DGCR2: variants seen among roughly 807,000 people sequenced by gnomAD.
DGCR2 encodes the protein integral membrane protein DGCR2/IDD.
In DGCR2, 24 loss-of-function variants were observed where a neutral mutation model predicts 51.6. The observed-to-expected ratio is 0.47, with a 90% CI of 0.34 to 0.65. DGCR2 has a LOEUF of 0.65. Ranked by LOEUF, DGCR2 falls within the 30% of genes least tolerant of loss-of-function variation. DGCR2 has a pLI of 0.01. For missense variants in DGCR2, 765 were observed against 772.1 expected (o/e 0.99, Z 0.11); for synonymous variants, 340 against 315.4 (o/e 1.08, Z -0.82).
At chr22:19,068,290 A>G in intron 2 of DGCR2, 65 bp from the exon 3 acceptor site, 1 of 1,493,186 alleles carries the variant, frequency 6.7e-7, no homozygotes, top group Non-Finnish European at 8.9e-7. Flanking sequence ...CCTGGCCAGC[A>G]TGGTTCAGAC....
intron 7 of DGCR2, among the ~76,000 whole-genome samples, chr22:19,043,809 C>A (rs74380747): frequency 0.016 from 2,498 of 152,306 alleles, 89 homozygotes; most frequent in East Asian, 0.062. Flanking sequence ...CATGCCCACA[C>A]AGATGGCAGC....
Position 19,064,867 on chromosome 22 carries a change from C to A in DGCR2, c.529G>T (p.Gly177Cys). 2 of 1,613,746 alleles carry A rather than the reference C, an allele frequency of 1.2e-6. No homozygotes were observed. The highest frequency in any genetic ancestry group is 8.5e-7 in the Non-Finnish European group (1 of 1,179,962). Residue 177 changes from glycine to cysteine, a missense_variant, in exon 4 of 10, where the codon GGT becomes TGT. Gly to Cys is a radical substitution (Grantham distance 159, BLOSUM62 -3). Coordinates refer to ENST00000263196, the MANE Select transcript of DGCR2 (RefSeq NM_005137.3). Reference protein sequence around the residue: ...QEWDQPERSFGWKDQRKLWVG... With the variant: ...QEWDQPERSFCWKDQRKLWVG... ...ACTCACTTGCGCTGGTCCTTCCAAC[C>A]AAAGCTCCGCTCGGGCTGGTCCCAT...
At chr22:19,086,534 T>C (rs1334554600) in intron 2 of DGCR2, among the ~76,000 whole-genome samples, 1 of 151,870 alleles carries the variant, frequency 6.6e-6, no homozygotes, top group Non-Finnish European at 1.5e-5. Flanking sequence ...CACAGCACTA[T>C]ACAAGGACAA....
intron 1 of DGCR2, among the ~76,000 whole-genome samples, chr22:19,094,367 G>A (rs1433658942): frequency 6.6e-6 from 1 of 152,246 alleles, no homozygotes; most frequent in Non-Finnish European, 1.5e-5. Context: ...AGAGGTTGCA[G>A]TGAGCCAAGA....
At chr22:19,094,693 A>C (rs2083119070) in intron 1 of DGCR2, among the ~76,000 whole-genome samples, 1 of 152,250 alleles carries the variant, frequency 6.6e-6, no homozygotes, top group African/African-American at 2.4e-5. Flanking sequence ...AGACTTGTTC[A>C]TAGTACTTTT....
In DGCR2 at chr22:19,041,292, G is replaced by A. The variant is rs751230844; in HGVS notation, c.1162C>T (p.His388Tyr). 4.3e-6 allele frequency: 7 copies of A among 1,613,526 alleles called. No individual in the cohort carries two copies. The Admixed American group carries it at 6.7e-5, about 15-fold the overall frequency. Residue 388 changes from histidine (H) to tyrosine (Y), a missense_variant and splice_region_variant, in exon 9 of 10, where the codon CAC becomes TAC. Transcript: ENST00000263196. ...RIESLIGANL[H>Y]HFNLGRRIPG... ...ATCCTGCGGCCGAGGTTGAAGTGGT[G>A]CACTGGGCCATCAAAAGTGTGCAAC... is the stretch of plus-strand genomic sequence containing the variant.
chr22:19,060,155 G>A (rs900737214), intron 5 of DGCR2, among the ~76,000 whole-genome samples: 1 of 152,170 alleles, frequency 6.6e-6, no homozygotes, highest in Non-Finnish European at 1.5e-5. Flanking sequence ...CAGAGGGCAG[G>A]GTCTCTACAA....
intron 5 of DGCR2, among the ~76,000 whole-genome samples, chr22:19,062,289 T>C (rs2082672256): frequency 6.6e-6 from 1 of 152,056 alleles, no homozygotes; most frequent in Non-Finnish European, 1.5e-5. Flanking sequence ...GTGGCCCCAG[T>C]CTGCTGGGCT....
At chr22:19,063,832 C>T (rs2082716477) in intron 4 of DGCR2, among the ~76,000 whole-genome samples, 1 of 152,180 alleles carries the variant, frequency 6.6e-6, no homozygotes, top group Non-Finnish European at 1.5e-5. Flanking sequence ...AGACATGAAA[C>T]CCCATGAATA....
At chr22:19,052,326 G>A (rs868359229) in intron 6 of DGCR2, among the ~76,000 whole-genome samples, 5 of 151,972 alleles carry the variant, frequency 3.3e-5, no homozygotes, top group African/African-American at 4.8e-5. Context: ...TGAGACATGC[G>A]AATCGCTTGA....
intron 9 of DGCR2, among the ~76,000 whole-genome samples, chr22:19,039,969 T>C (rs1036821161): frequency 6.6e-6 from 1 of 152,126 alleles, no homozygotes; most frequent in Non-Finnish European, 1.5e-5. Context: ...CGCCTCAGCC[T>C]CCCAGAGTGC....
chr22:19,115,586 T>C (rs536194425), intron 1 of DGCR2, among the ~76,000 whole-genome samples: 1 of 152,370 alleles, frequency 6.6e-6, no homozygotes, highest in East Asian at 1.9e-4. Context: ...GCTCTTTATG[T>C]CAAAATATAA....
chr22:19,062,649 ACAGGAAGGG>A (rs1178487223), intron 5 of DGCR2, among the ~76,000 whole-genome samples: 5 of 152,086 alleles, frequency 3.3e-5, no homozygotes, highest in Admixed American at 2.6e-4. Flanking sequence ...GGGCAATGGG[ACAGGAAGGG>A]CAAGCCAAGT....
At position 19,038,493 on chromosome 22, in the gene DGCR2, C is replaced by A; in HGVS notation, c.*372G>T. ...GACTGGGTCAGCAGGTCTCTCTGGA[C>A]AGCACACTGCACCAAGTAAGCCCAC... is the stretch of plus-strand genomic sequence containing the variant. On this transcript the variant is annotated 3_prime_UTR_variant, in exon 10 of 10. Transcript: ENST00000263196. 1 of 244,452 alleles carries A rather than the reference C, an allele frequency of 4.1e-6. No homozygotes were observed. The highest frequency in any genetic ancestry group is 8.0e-6 in the Non-Finnish European group (1 of 125,054). The allele number at this position is 244,452 out of a possible 1,614,324, so 15.1% of individuals were successfully genotyped here. A position where few individuals can be genotyped will look rare whatever the true frequency, so the allele number is the denominator to read the frequency against.
At chr22:19,040,121 C>T (rs1238376658) in intron 9 of DGCR2, among the ~76,000 whole-genome samples, 1 of 152,224 alleles carries the variant, frequency 6.6e-6, no homozygotes, top group Non-Finnish European at 1.5e-5. Context: ...GCTCTGCAGC[C>T]TGGCCCACAC....
At chr22:19,062,923 A>G (rs1416545761) in intron 5 of DGCR2, among the ~76,000 whole-genome samples, 1 of 151,844 alleles carries the variant, frequency 6.6e-6, no homozygotes, top group Non-Finnish European at 1.5e-5. Flanking sequence ...TTTATACTCC[A>G]AGGTCTTTAA....
chr22:19,052,198 T>C (rs1172203669), intron 6 of DGCR2, among the ~76,000 whole-genome samples: 3 of 152,050 alleles, frequency 2.0e-5, no homozygotes, highest in Non-Finnish European at 4.4e-5. Flanking sequence ...AGGTGGATCA[T>C]CTGAGACTGG....
intron 1 of DGCR2, among the ~76,000 whole-genome samples, chr22:19,094,303 C>G (rs1178359881): frequency 6.6e-6 from 1 of 152,330 alleles, no homozygotes; most frequent in East Asian, 1.9e-4. Flanking sequence ...TGGCGGGCGC[C>G]TGTAATCCCA....
intron 5 of DGCR2, among the ~76,000 whole-genome samples, chr22:19,058,389 T>G (rs1474862558): frequency 6.6e-5 from 10 of 152,164 alleles, no homozygotes; most frequent in Non-Finnish European, 1.5e-5. Context: ...AGGGGCCCAC[T>G]GTCTGGAGTC....
Sources: gnomAD v4.1 joint callset for allele counts (sites outside exome capture counted in the v4.1 genomes callset) on GRCh38, gnomAD v4.1.1 for gene constraint, MANE v1.5 for transcripts, NCBI Gene and HGNC (gene_info 2026-07-23, HGNC 2026-07-21) for gene names.